RNF213: variants seen among roughly 807,000 people sequenced by gnomAD.
The protein encoded by RNF213 is ring finger protein 213, also known as E3 ubiquitin-protein ligase RNF213.
Under a neutral mutation model 514.4 loss-of-function variants are expected in RNF213, and 341 were observed. The observed-to-expected ratio is 0.66, with a 90% CI of 0.61 to 0.73. RNF213 has a LOEUF of 0.73. Among genes scored for constraint, RNF213 ranks in the 30% least tolerant of loss-of-function variants. RNF213 has a pLI of 0.00. For synonymous variants in RNF213, 2,655 were observed against 2,658.2 expected (o/e 1.00, Z 0.04); for missense variants, 5,767 against 6,615.6 (o/e 0.87, Z 4.45).
chr17:80,317,399 C>G lies in RNF213; in HGVS notation c.2901+122C>G, dbSNP rs1175501589. The G allele has an allele frequency of 2.2e-5, 19 of 856,002 alleles. No individual in the cohort carries two copies. The East Asian group carries it at 4.7e-4, about 21-fold the overall frequency. The allele number at this position is 856,002 out of a possible 1,614,324, so 53.0% of individuals were successfully genotyped here. A position where few individuals can be genotyped will look rare whatever the true frequency, so the allele number is the denominator to read the frequency against. ...CTGTGGGCAGGGATGGGGTGAATCA[C>G]AGCTCCGTGTTTCTGTTTCTGATCC... is the stretch of plus-strand genomic sequence containing the variant. On this transcript the variant is annotated intron_variant, in intron 16 of 67. Coordinates refer to ENST00000582970, the MANE Select transcript of RNF213 (RefSeq NM_001256071.3). This position sits in a 1 kb window ranked among gnomAD's most constrained non-coding sequence, Gnocchi z 4.1.
intron 17 of RNF213, among the ~76,000 whole-genome samples, chr17:80,321,629 A>G (rs1290587973): frequency 6.6e-6 from 1 of 152,198 alleles, no homozygotes; most frequent in Non-Finnish European, 1.5e-5. Context: ...CCAGCAGCAT[A>G]GGAGGCTTCC....
chr17:80,382,072 A>G (rs560456161), intron 57 of RNF213: 236 of 337,176 alleles, frequency 7.0e-4, no homozygotes, highest in African/African-American at 4.3e-3. Context: ...CCCGTAGGTC[A>G]TTCCCCTACC....
chr17:80,363,570 G>A, intron 40 of RNF213, 39 bp from the exon 41 acceptor site: 1 of 1,609,542 alleles, frequency 6.2e-7, no homozygotes, highest in Non-Finnish European at 8.5e-7. Context: ...CCGGTGGGAG[G>A]GGCACCGCTC....
chr17:80,322,236 C>T, intron 17 of RNF213, among the ~76,000 whole-genome samples: 1 of 134,074 alleles, frequency 7.5e-6, no homozygotes, highest in East Asian at 2.4e-4. Flanking sequence ...TCACAGCTCA[C>T]TACAGCCTCA....
chr17:80,371,010 T>G (rs1599159977), intron 46 of RNF213, among the ~76,000 whole-genome samples: 1 of 36,210 alleles, frequency 2.8e-5, no homozygotes, highest in East Asian at 5.0e-4. Context: ...TGAATATGGA[T>G]TTTTTTTTTT....
intron 36 of RNF213, 70 bp from the exon 37 acceptor site, chr17:80,358,218 G>A (rs1568127437): frequency 9.4e-6 from 13 of 1,377,660 alleles, no homozygotes; most frequent in Non-Finnish European, 1.3e-5. Flanking sequence ...GGAACAAAAT[G>A]TCAAAAGGTG....
intron 63 of RNF213, among the ~76,000 whole-genome samples, chr17:80,387,674 C>T (rs1029417390): frequency 3.9e-5 from 6 of 152,234 alleles, no homozygotes; most frequent in African/African-American, 1.4e-4. Flanking sequence ...ATGGACCTGC[C>T]TGGCCTCTCA....
chr17:80,291,701 C>G lies in RNF213; in HGVS notation c.1345C>G (p.Pro449Ala). Residue 449 changes from proline (P) to alanine (A), a missense_variant, in exon 8 of 68, where the codon CCT becomes GCT. Physicochemically the swap from Pro to Ala is conservative, Grantham distance 27. Around this residue, in one of 13 missense-constraint regions of RNF213, gnomAD observed 592 missense variants for 673.9 expected, o/e 0.88. Transcript: ENST00000582970. ...ISKKHLDKYI[P>A]YKYVIYNGES... The stretch of plus-strand genomic sequence containing the variant: ...CAAGAAGCACCTAGATAAATACATT[C>G]CTTACAAGTACGTCATTTATAATGG... 1 of 1,614,206 alleles carries G rather than the reference C, an allele frequency of 6.2e-7. No homozygotes were observed.
At chr17:80,366,935 T>C (rs557869910) in intron 42 of RNF213, among the ~76,000 whole-genome samples, 1 of 152,346 alleles carries the variant, frequency 6.6e-6, no homozygotes, top group South Asian at 2.1e-4. Context: ...TGATGTGTAT[T>C]GCCTAAAAAC....
intron 46 of RNF213, among the ~76,000 whole-genome samples, chr17:80,370,070 CA>C (rs1222227515): frequency 6.6e-6 from 1 of 152,212 alleles, no homozygotes; most frequent in Non-Finnish European, 1.5e-5. Flanking sequence ...AGTATTCCCA[CA>C]AGCACACGCA....
intron 25 of RNF213, among the ~76,000 whole-genome samples, chr17:80,338,721 G>A (rs916773119): frequency 6.6e-6 from 1 of 151,826 alleles, no homozygotes; most frequent in African/African-American, 2.4e-5. Flanking sequence ...GGCCGAGGCG[G>A]GCCTATCACT....
chr17:80,345,449 A>G lies in RNF213; in HGVS notation c.7114A>G (p.Lys2372Glu). Residue 2372 changes from lysine (K) to glutamate (E), a missense_variant, in exon 29 of 68, where the codon AAG becomes GAG. Lys to Glu is a moderately conservative substitution (Grantham distance 56, BLOSUM62 1). Transcript: ENST00000582970. The surrounding 1 kb of genome is among the most constrained non-coding windows in gnomAD (Gnocchi z 6.0). Reference protein sequence around the residue: ...NVDFDKLPRHKKLERLCLTLG... With the variant: ...NVDFDKLPRHEKLERLCLTLG... ...CGACTTTGATAAACTGCCCAGACAC[A>G]AGAAACTTGAGAGGCTCTGCCTGAC... 2.5e-6 allele frequency: 4 copies of G among 1,612,270 alleles called. No individual in the cohort carries two copies. The highest frequency in any genetic ancestry group is 3.4e-6 in the Non-Finnish European group (4 of 1,178,706).
In RNF213 at chr17:80,273,412, C is replaced by T. The variant is rs751377131; in HGVS notation, c.261+8C>T. 1.9e-6 allele frequency: 3 copies of T among 1,611,772 alleles called. No homozygotes were observed. Among genetic ancestry groups the T allele is most frequent in the South Asian group, 1.1e-5 (1 of 91,034 alleles). Reference sequence around the variant, plus strand: ...TCCTGGACCGTCCAAGAAGTGAGTGCACTGCCTCGGCTCCCCTCCGCCCCC... The same window carrying T: ...TCCTGGACCGTCCAAGAAGTGAGTGTACTGCCTCGGCTCCCCTCCGCCCCC... On this transcript the variant is annotated splice_region_variant and intron_variant, in intron 3 of 67. Coordinates refer to ENST00000582970, the MANE Select transcript of RNF213 (RefSeq NM_001256071.3).
Position 80,346,291 on chromosome 17 carries a change from C to T in RNF213, c.7956C>T (p.His2652=), listed in dbSNP as rs201016173. The T allele has an allele frequency of 3.2e-5, 51 of 1,613,974 alleles. No individual in the cohort carries two copies. The highest frequency in any genetic ancestry group is 8.9e-5 in the East Asian group (4 of 44,884). The change falls in exon 29 of 68, where the codon CAC becomes CAT. Residue 2652 remains histidine, a synonymous_variant. Coordinates refer to ENST00000582970, the MANE Select transcript of RNF213 (RefSeq NM_001256071.3). The surrounding 1 kb of genome is among the most constrained non-coding windows in gnomAD (Gnocchi z 8.1). ...ERCVKVFRWF[H]EHSAMLLAQL... is the part of the protein sequence containing the mutation. ...GTGTGAAAGTTTTCAGGTGGTTCCA[C>T]GAGCACAGCGCGATGCTCTTAGCGC... is the stretch of plus-strand genomic sequence containing the variant.
At position 80,306,393 on chromosome 17, in the gene RNF213, T is replaced by G; in HGVS notation, c.2352T>G (p.Phe784Leu). The G allele has an allele frequency of 6.2e-7, 1 of 1,614,206 alleles. No individual in the cohort carries two copies. Among genetic ancestry groups the G allele is most frequent in the Non-Finnish European group, 8.5e-7 (1 of 1,180,030 alleles). Reference sequence around the variant, plus strand: ...ACTTCATTGAGCACCTGGGTCGTTTTCCTGCTCATATCCTGGACTGTCTTT... The same window carrying G: ...ACTTCATTGAGCACCTGGGTCGTTTGCCTGCTCATATCCTGGACTGTCTTT... ...MENFIEHLGR[F>L]PAHILDCLSG... The change falls in exon 12 of 68, where the codon TTT becomes TTG. Residue 784 changes from phenylalanine (F) to leucine (L), a missense_variant. Phe to Leu is a conservative substitution (Grantham distance 22, BLOSUM62 0). Transcript: ENST00000582970.
chr17:80,371,988 A>T lies in RNF213; in HGVS notation c.12537+3A>T. On this transcript the variant is annotated splice_donor_region_variant and intron_variant, in intron 47 of 67. Coordinates refer to ENST00000582970, the MANE Select transcript of RNF213 (RefSeq NM_001256071.3). ...TGCTCTTCATCAACTGCCTGGAGGTAAGTGAACTCTCTCTTCCCTGAATTT... is the reference window on the plus strand; with the variant it reads ...TGCTCTTCATCAACTGCCTGGAGGTTAGTGAACTCTCTCTTCCCTGAATTT... The T allele has an allele frequency of 7.0e-7, 1 of 1,422,082 alleles. No individual in the cohort carries two copies. Among genetic ancestry groups the T allele is most frequent in the South Asian group, 1.1e-5 (1 of 87,184 alleles). 88.1% of individuals were successfully genotyped at this position (1,422,082 alleles called of 1,614,324 possible). A position where few individuals can be genotyped will look rare whatever the true frequency, so the allele number is the denominator to read the frequency against.
rs774775562 is a variant in RNF213 at position 80,347,541 on chromosome 17, T to A, written c.9206T>A (p.Ile3069Asn). 6.2e-7 allele frequency: 1 copy of A among 1,614,082 alleles called. No individual in the cohort carries two copies. Among genetic ancestry groups the A allele is most frequent in the Non-Finnish European group, 8.5e-7 (1 of 1,180,028 alleles). Reference sequence around the variant, plus strand: ...GAGGGGGACCAGCAGCCGGAGATTATTTTTGGTTCTGGTTTCCCCAAGGAC... The same window carrying A: ...GAGGGGGACCAGCAGCCGGAGATTAATTTTGGTTCTGGTTTCCCCAAGGAC... ...FFEGDQQPEI[I>N]FGSGFPKDQE... The change falls in exon 29 of 68, where the codon ATT (isoleucine) becomes AAT (asparagine). Residue 3069 changes from isoleucine (I) to asparagine (N), a missense_variant. Transcript: ENST00000582970. This position sits in a 1 kb window ranked among gnomAD's most constrained non-coding sequence, Gnocchi z 7.2.
At position 80,346,542 on chromosome 17, in the gene RNF213, T is replaced by C; in HGVS notation, c.8207T>C (p.Val2736Ala). Residue 2736 changes from valine to alanine, a missense_variant, in exon 29 of 68, where the codon GTA becomes GCA. Transcript: ENST00000582970. This position sits in a 1 kb window ranked among gnomAD's most constrained non-coding sequence, Gnocchi z 8.1. ...GCACAGGATCTTTTTCTGGACGGCG[T>C]ACCTCTGAGGAAAACCATCGCCAAG... The part of the protein sequence containing the change: ...TRAQDLFLDG[V>A]PLRKTIAKNL... The C allele has an allele frequency of 2.5e-6, 4 of 1,613,412 alleles. No individual in the cohort carries two copies. The highest frequency in any genetic ancestry group is 3.4e-6 in the Non-Finnish European group (4 of 1,180,028).
rs1781553917 is a variant in RNF213 at position 80,395,830 on chromosome 17, C to A, written c.*2332C>A. The stretch of plus-strand genomic sequence containing the variant: ...CAGGCGAGAAACCTGTGGTCTAGAA[C>A]CACAGCAAGAAGAGGAGGCATGCTG... On this transcript the variant is annotated 3_prime_UTR_variant, in exon 68 of 68. Transcript: ENST00000582970. 2 of 152,208 alleles carry A rather than the reference C, an allele frequency of 1.3e-5. No individual in the cohort carries two copies. The highest frequency in any genetic ancestry group is 2.9e-5 in the Non-Finnish European group (2 of 68,048). 9.4% of individuals were successfully genotyped at this position (152,208 alleles called of 1,614,324 possible).
Sources: allele counts gnomAD v4.1 joint callset (sites outside exome capture counted in the v4.1 genomes callset), GRCh38; gene constraint gnomAD v4.1.1; regional missense constraint gnomAD v4.1.1; non-coding constraint Gnocchi (gnomAD v3.1); transcripts MANE v1.5; gene names NCBI Gene and HGNC (gene_info 2026-07-23, HGNC 2026-07-21).